ATP13A5: variants seen among roughly 807,000 people sequenced by gnomAD.
ATP13A5 encodes the protein probable cation-transporting ATPase 13A5.
ATP13A5 carries 149 observed loss-of-function variants against 150.2 expected under a neutral mutation model. The ratio of observed to expected loss-of-function variants is 0.99; its 90% CI spans 0.87 to 1.14. The LOEUF (loss-of-function observed/expected upper bound fraction) is 1.14. ATP13A5 is among the 50% of genes most tolerant of loss of function. ATP13A5 has a pLI of 0.00. For synonymous variants in ATP13A5, 497 were observed against 522.2 expected, an observed-to-expected ratio of 0.95 and a Z score of 0.66; for missense variants, 1,383 against 1,449.3, an observed-to-expected ratio of 0.95 and a Z score of 0.74.
chr3:193,291,098 T>G (rs1052236906), intron 25 of ATP13A5, among the ~76,000 whole-genome samples: 1 of 152,094 alleles, frequency 6.6e-6, no homozygotes, highest in Non-Finnish European at 1.5e-5. Flanking sequence ...TTTCTTTGCT[T>G]TGTTCAATAT....
chr3:193,275,885 T>G (rs1190231560), intron 29 of ATP13A5, among the ~76,000 whole-genome samples: 1 of 152,206 alleles, frequency 6.6e-6, no homozygotes, highest in Non-Finnish European at 1.5e-5. Context: ...AAATTTTTAT[T>G]TTATTATGGG....
chr3:193,335,127 T>C (rs1711805064), intron 9 of ATP13A5, 28 bp from the exon 10 acceptor site: 3 of 1,609,272 alleles, frequency 1.9e-6, no homozygotes, highest in African/African-American at 2.7e-5. Flanking sequence ...TTGTTGAATC[T>C]ATGTAAGCTC....
intron 26 of ATP13A5, among the ~76,000 whole-genome samples, chr3:193,289,132 C>T (rs1717842273): frequency 6.6e-6 from 1 of 152,096 alleles, no homozygotes; most frequent in Non-Finnish European, 1.5e-5. Context: ...GAGTGAGGGG[C>T]AGTTTGCACA....
At chr3:193,276,031 T>A (rs183786126) in intron 29 of ATP13A5, among the ~76,000 whole-genome samples, 2 of 152,206 alleles carry the variant, frequency 1.3e-5, no homozygotes, top group African/African-American at 4.8e-5. Flanking sequence ...GTAGATAATA[T>A]TATGATAAGT....
intron 9 of ATP13A5, 56 bp downstream of exon 9, chr3:193,343,871 T>C (rs1712219621): frequency 6.3e-7 from 1 of 1,579,492 alleles, no homozygotes; most frequent in African/African-American, 1.4e-5. Flanking sequence ...GGTGAGGATA[T>C]GTTGATCTGA....
chr3:193,307,098 C>G, intron 22 of ATP13A5: 1 of 1,346,270 alleles, frequency 7.4e-7, no homozygotes, highest in Non-Finnish European at 9.5e-7. Context: ...TCTAAGTAGC[C>G]TTCCTTTGTG....
At chr3:193,350,654 C>A (rs370623765) in intron 7 of ATP13A5, among the ~76,000 whole-genome samples, 20 of 152,156 alleles carry the variant, frequency 1.3e-4, no homozygotes, top group African/African-American at 4.8e-4. Context: ...AATAGGAAAC[C>A]TATAGAACAA....
At position 193,340,576 on chromosome 3, in the gene ATP13A5, T is replaced by A. The variant is rs184830238; in HGVS notation, c.943+3351A>T. The stretch of plus-strand genomic sequence containing the variant: ...ACTGCACTCTCGCCCCACACACATC[T>A]CAAATACATCAGCAGCTTAATGAAG... On this transcript the variant is annotated intron_variant, in intron 9 of 29. Transcript: ENST00000342358. Among the ~76,000 whole-genome samples the A allele has an allele frequency of 5.7e-3, 865 of 152,090 alleles. 7 individuals carry two copies. Among genetic ancestry groups the A allele is most frequent in the African/African-American group, 0.019 (807 of 41,488 alleles).
In ATP13A5 at chr3:193,351,346, G is replaced by T; in HGVS notation, c.607-145C>A. On this transcript the variant is annotated intron_variant, in intron 6 of 29. Coordinates refer to ENST00000342358, the MANE Select transcript of ATP13A5 (RefSeq NM_198505.4). ...TTAAGAATTCACTTAGATCTCTATT[G>T]ATTTGGGTTGAGAAAATGTCAAACA... 3.9e-6 allele frequency: 4 copies of T among 1,020,304 alleles called. No homozygotes were observed. In the South Asian group the frequency reaches 5.2e-5, roughly 13 times the overall value. The allele number at this position is 1,020,304 out of a possible 1,614,324, so 63.2% of individuals were successfully genotyped here.
rs114309794 is a variant in ATP13A5 at position 193,361,361 on chromosome 3, C to T, written c.536+1020G>A. Among the ~76,000 whole-genome samples the T allele has an allele frequency of 2.9e-3, 447 of 152,258 alleles. 2 individuals are homozygous for T. Among genetic ancestry groups the T allele is most frequent in the Non-Finnish European group, 5.4e-3 (367 of 68,016 alleles). On this transcript the variant is annotated intron_variant, in intron 5 of 29. Transcript: ENST00000342358. ...AAACTTATAAACAACAGATCAGTAA[C>T]TCTTAGACTTGGTGTGTGTGAGAAT... is the stretch of plus-strand genomic sequence containing the variant.
intron 25 of ATP13A5, among the ~76,000 whole-genome samples, chr3:193,295,608 A>T (rs1282871511): frequency 6.6e-6 from 1 of 152,082 alleles, no homozygotes; most frequent in East Asian, 1.9e-4. Flanking sequence ...AGAGATGAAC[A>T]CTTGTATAAG....
intron 28 of ATP13A5, 79 bp downstream of exon 28, chr3:193,279,287 A>G: frequency 1.7e-6 from 2 of 1,143,932 alleles, no homozygotes; most frequent in South Asian, 1.3e-5. Flanking sequence ...GAATACAGTA[A>G]TAATTGACTT....
At chr3:193,361,289 C>T (rs1712998063) in intron 5 of ATP13A5, among the ~76,000 whole-genome samples, 2 of 152,106 alleles carry the variant, frequency 1.3e-5, no homozygotes, top group South Asian at 4.1e-4. Flanking sequence ...GCAATATTGT[C>T]CTAGTCCAGA....
intron 22 of ATP13A5, 163 bp downstream of exon 22, chr3:193,307,164 C>A: frequency 6.8e-7 from 1 of 1,469,832 alleles, no homozygotes; most frequent in East Asian, 2.5e-5. Context: ...TCCCTTTACT[C>A]CCCTCCGCTT....
chr3:193,304,638 G>T (rs1305011927), intron 23 of ATP13A5, among the ~76,000 whole-genome samples: 3 of 152,102 alleles, frequency 2.0e-5, no homozygotes, highest in African/African-American at 7.2e-5. Flanking sequence ...TGGGTGTTTT[G>T]TTCTTAACTA....
chr3:193,298,364 T>C (rs542286878), intron 25 of ATP13A5, among the ~76,000 whole-genome samples: 2 of 152,096 alleles, frequency 1.3e-5, no homozygotes, highest in Non-Finnish European at 2.9e-5. Flanking sequence ...AAAATTGATG[T>C]TTTAGTGCTT....
intron 9 of ATP13A5, among the ~76,000 whole-genome samples, chr3:193,341,816 C>G (rs540739282): frequency 2.9e-4 from 44 of 152,290 alleles, no homozygotes; most frequent in African/African-American, 9.1e-4. Context: ...ACTTCTTGCA[C>G]AGCTGAATTT....
chr3:193,350,692 A>G lies in ATP13A5; in HGVS notation c.741+375T>C, dbSNP rs558572717. On this transcript the variant is annotated intron_variant, in intron 7 of 29. Transcript: ENST00000342358. ...ACAATATTTAAGTCAGGGAAAATAG[A>G]TGGAAATGTTCTAAGGGGCATAATA... Among the ~76,000 whole-genome samples the G allele has an allele frequency of 4.6e-5, 7 of 152,308 alleles. No homozygotes were observed. In the South Asian group the frequency reaches 8.3e-4, roughly 18 times the overall value.
intron 26 of ATP13A5, 28 bp downstream of exon 26, chr3:193,289,857 G>T (rs377147082): frequency 6.5e-7 from 1 of 1,536,412 alleles, no homozygotes; most frequent in Non-Finnish European, 8.8e-7. Flanking sequence ...ATTACCTTTC[G>T]AAAGCAGCAC....
Sources: gnomAD v4.1 joint callset for allele counts (sites outside exome capture counted in the v4.1 genomes callset) on GRCh38, gnomAD v4.1.1 for gene constraint, MANE v1.5 for transcripts, NCBI Gene and HGNC (gene_info 2026-07-23, HGNC 2026-07-21) for gene names.